The following ZNF480 variants were observed in gnomAD, a reference collection of about 807,000 sequenced individuals.
ZNF480 encodes zinc finger protein 480.
A neutral mutation model predicts 14.4 loss-of-function variants in ZNF480; 15 were observed. That is an observed-to-expected ratio of 1.04 (90% CI 0.70 to 1.60). The LOEUF is 1.60. ZNF480 is among the 40% of genes most tolerant of loss of function. The pLI, the probability that ZNF480 is intolerant of heterozygous loss-of-function variation, is 0.00. For missense variants in ZNF480, 593 were observed against 629.7 expected, an observed-to-expected ratio of 0.94 and a Z score of 0.62; for synonymous variants, 218 against 215.5, an observed-to-expected ratio of 1.01 and a Z score of -0.10.
At chr19:52,309,921 G>C (rs1420377590) in intron 2 of ZNF480, among the ~76,000 whole-genome samples, 1 of 151,892 alleles carries the variant, frequency 6.6e-6, no homozygotes, top group Non-Finnish European at 1.5e-5. Flanking sequence ...TTCTAGTTAG[G>C]GGCCATTTCC....
intron 2 of ZNF480, among the ~76,000 whole-genome samples, chr19:52,311,172 T>A (rs1440382770): frequency 6.6e-6 from 1 of 151,902 alleles, no homozygotes; most frequent in African/African-American, 2.4e-5. Flanking sequence ...AATAGATAAA[T>A]TTTATGGACA....
At chr19:52,305,544 C>T (rs1982889827) in intron 2 of ZNF480, among the ~76,000 whole-genome samples, 1 of 152,146 alleles carries the variant, frequency 6.6e-6, no homozygotes, top group Admixed American at 6.5e-5. Context: ...TTAAATTTCC[C>T]CATTGTAATC....
chr19:52,314,460 T>G (rs373395087), intron 3 of ZNF480, among the ~76,000 whole-genome samples, 181 bp downstream of exon 3: 59 of 98,514 alleles, frequency 6.0e-4, no homozygotes, highest in African/African-American at 2.5e-3. Flanking sequence ...GCCAACAGAG[T>G]GAAACTCCGT....
At chr19:52,301,644 A>T (rs1192101922) in intron 2 of ZNF480, 1 of 152,086 alleles carries the variant, frequency 6.6e-6, no homozygotes, top group Admixed American at 6.5e-5. Flanking sequence ...TTTTCTGCCA[A>T]TTATTTACGT....
Position 52,311,075 on chromosome 19 carries a change from A to G in ZNF480, c.73-3078A>G, listed in dbSNP as rs139140363. ...CTGTGACTTATTTTGTTGAATTATT[A>G]TATCATATTAATAAATTTTCTGTCA... On this transcript the variant is annotated intron_variant, in intron 2 of 4. Transcript: ENST00000595962. Among the ~76,000 whole-genome samples the G allele has an allele frequency of 1.9e-3, 292 of 151,110 alleles. 6 individuals are homozygous for G. The East Asian group carries it at 0.028, about 15-fold the overall frequency.
rs772650119 is a variant in ZNF480, at chr19:52,322,016, G to A, written c.766G>A (p.Glu256Lys). ...AGAACATTGTAGAATTCATACTGGA[G>A]AGAAACCTTACAAATGTAATGTCTG... ...LAEHCRIHTG[E>K]KPYKCNVCGK... The change falls in exon 5 of 5, where the codon GAG becomes AAG. Residue 256 changes from glutamate (E) to lysine (K), a missense_variant. Transcript: ENST00000595962. 1.2e-6 allele frequency: 2 copies of A among 1,614,038 alleles called. No individual in the cohort carries two copies. Among genetic ancestry groups the A allele is most frequent in the Non-Finnish European group, 1.7e-6 (2 of 1,179,972 alleles).
intron 3 of ZNF480, among the ~76,000 whole-genome samples, chr19:52,314,899 T>C (rs1311053532): frequency 2.0e-5 from 3 of 152,148 alleles, no homozygotes; most frequent in Non-Finnish European, 2.9e-5. Context: ...AATGTCCTTT[T>C]TCTTCAGATG....
Position 52,322,832 on chromosome 19 carries a change from C to T in ZNF480, c.1582C>T (p.Gln528Ter), listed in dbSNP as rs142432356. ...CTTTAGTCGCATTTCATACCTAGCACAACATTGGACAATTCATATGGGATA... is the reference window on the plus strand; with the variant it reads ...CTTTAGTCGCATTTCATACCTAGCATAACATTGGACAATTCATATGGGATA... ...KAFSRISYLA[Q>*]HWTIHMG is the part of the protein sequence containing the mutation. Residue 528 changes from glutamine to a stop codon, truncating the protein, a stop_gained, in exon 5 of 5, where the codon CAA becomes TAA. Coordinates refer to ENST00000595962, the MANE Select transcript of ZNF480 (RefSeq NM_144684.4). LOFTEE classifies it low-confidence loss of function (END_TRUNC). The T allele has an allele frequency of 1.3e-6, 2 of 1,591,554 alleles. No individual in the cohort carries two copies. The highest frequency in any genetic ancestry group is 2.7e-5 in the African/African-American group (2 of 74,418).
chr19:52,306,688 G>A (rs985099613), intron 2 of ZNF480, among the ~76,000 whole-genome samples: 11 of 152,174 alleles, frequency 7.2e-5, no homozygotes, highest in African/African-American at 2.7e-4. Context: ...AATTCTTTAA[G>A]TATTTTAAAA....
chr19:52,316,051 T>C (rs932201937), intron 4 of ZNF480, 89 bp downstream of exon 4: 2 of 1,363,480 alleles, frequency 1.5e-6, no homozygotes, highest in Non-Finnish European at 1.9e-6. Context: ...TTTTTATGTT[T>C]GTATTTTTGT....
chr19:52,309,469 C>T (rs879479354), intron 2 of ZNF480, among the ~76,000 whole-genome samples: 3 of 152,174 alleles, frequency 2.0e-5, no homozygotes, highest in Non-Finnish European at 4.4e-5. Context: ...TATACTGGTG[C>T]CTTTGTTCTC....
At chr19:52,319,835 T>A (rs980948597) in intron 4 of ZNF480, among the ~76,000 whole-genome samples, 7 of 142,342 alleles carry the variant, frequency 4.9e-5, no homozygotes, top group East Asian at 3.9e-4. Flanking sequence ...TTTTTTTTTT[T>A]AAATTAGAGT....
chr19:52,304,819 C>T (rs932016515), intron 2 of ZNF480, among the ~76,000 whole-genome samples: 4 of 152,030 alleles, frequency 2.6e-5, no homozygotes, highest in African/African-American at 9.7e-5. Flanking sequence ...AATTGGTTGG[C>T]TGGGTGTGGT....
In ZNF480 at chr19:52,324,512, AG is replaced by A. The variant is rs1217173612; in HGVS notation, c.*1656del. ...TCCTAAGCAAAAAGAGCAATGTTTGAGGTATCACACTACCCAACTTTAAACC... is the reference window on the plus strand; with the variant it reads ...TCCTAAGCAAAAAGAGCAATGTTTGAGTATCACACTACCCAACTTTAAACC... On this transcript the variant is annotated 3_prime_UTR_variant, in exon 5 of 5. Coordinates refer to ENST00000595962, the MANE Select transcript of ZNF480 (RefSeq NM_144684.4). The A allele has an allele frequency of 6.6e-6, 1 of 152,214 alleles. No individual in the cohort carries two copies. Among genetic ancestry groups the A allele is most frequent in the Non-Finnish European group, 1.5e-5 (1 of 68,038 alleles). The allele number at this position is 152,214 out of a possible 1,614,324, so 9.4% of individuals were successfully genotyped here. A position where few individuals can be genotyped will look rare whatever the true frequency, so the allele number is the denominator to read the frequency against.
chr19:52,314,967 C>T (rs1252535395), intron 3 of ZNF480, among the ~76,000 whole-genome samples: 1 of 152,046 alleles, frequency 6.6e-6, no homozygotes, highest in Non-Finnish European at 1.5e-5. Context: ...ATGCATAAAA[C>T]CTTTTTTGTT....
intron 1 of ZNF480, among the ~76,000 whole-genome samples, chr19:52,298,133 G>A (rs62110447): frequency 0.067 from 10,260 of 152,076 alleles, 416 homozygotes; most frequent in Middle Eastern, 0.17. Flanking sequence ...TTTGAGAGTG[G>A]GGGAGAGGGG....
chr19:52,314,416 T>A, intron 3 of ZNF480, 137 bp downstream of exon 3: 1 of 730,996 alleles, frequency 1.4e-6, no homozygotes, highest in Non-Finnish European at 1.8e-6. Flanking sequence ...GAGGCAGAGG[T>A]TTTGGTGAGC....
At chr19:52,298,635 GA>G (rs753452587) in intron 1 of ZNF480, among the ~76,000 whole-genome samples, 260 of 136,620 alleles carry the variant, frequency 1.9e-3, no homozygotes, top group Non-Finnish European at 2.2e-3. Context: ...CCGTCTCAGG[GA>G]AAAAAAAAAA....
intron 4 of ZNF480, among the ~76,000 whole-genome samples, chr19:52,319,811 GTTTTTTTTTTTTTTT>G (rs56151161): frequency 1.0e-5 from 1 of 96,900 alleles, no homozygotes; most frequent in Non-Finnish European, 2.2e-5. Context: ...CTGATACTGT[GTTTTTTTTTTTTTTT>G]TTTTTTTTTA....
Sources: gnomAD v4.1 joint callset for allele counts (sites outside exome capture counted in the v4.1 genomes callset) on GRCh38, gnomAD v4.1.1 for gene constraint, MANE v1.5 for transcripts, NCBI Gene and HGNC (gene_info 2026-07-23, HGNC 2026-07-21) for gene names.